LTK: variants seen among roughly 807,000 people sequenced by gnomAD.
LTK encodes the protein leukocyte tyrosine kinase receptor.
In LTK, 117 loss-of-function variants were observed where a neutral mutation model predicts 101.5. The ratio of observed to expected loss-of-function variants is 1.15; its 90% confidence interval spans 0.99 to 1.34. The LOEUF (loss-of-function observed/expected upper bound fraction) is 1.34, where lower values mean the gene tolerates loss of function less well. Among genes scored for constraint, LTK ranks in the 40% most tolerant of loss-of-function variants. The pLI is 0.00. For missense variants in LTK, 1,252 were observed against 1,164.7 expected (o/e 1.07, Z -1.09); for synonymous variants, 563 against 494.2 (o/e 1.14, Z -1.85).
In LTK at chr15:41,511,229, G is replaced by A; in HGVS notation, c.932C>T (p.Ala311Val). The A allele has an allele frequency of 1.4e-6, 2 of 1,402,988 alleles. No homozygotes were observed. The highest frequency in any genetic ancestry group is 1.8e-6 in the Non-Finnish European group (2 of 1,082,572). The allele number at this position is 1,402,988 out of a possible 1,614,324, so 86.9% of individuals were successfully genotyped here. ...SEAWATLGWA[A>V]AGGFGGGGGA... ...GCCGCCGCCCCCGAAGCCGCCGGCC[G>A]CGGCCCAGCCAAGGGTCGCCCAAGC... The change falls in exon 7 of 20, where the codon GCG (alanine) becomes GTG (valine). Residue 311 changes from alanine to valine, a missense_variant. Coordinates refer to ENST00000263800, the MANE Select transcript of LTK (RefSeq NM_002344.6). The surrounding 1 kb of genome is among the most constrained non-coding windows in gnomAD (Gnocchi z 5.9).
rs1311424858 is a variant in LTK at position 41,504,960 on chromosome 15, C to G, written c.2018+12G>C. ...TTGGAGCAAGAGCCTTCCCACCTCC[C>G]AAGTCCCGCACCGGTAGATATCTCG... On this transcript the variant is annotated intron_variant, in intron 16 of 19. Coordinates refer to ENST00000263800, the MANE Select transcript of LTK (RefSeq NM_002344.6). 1.2e-6 allele frequency: 2 copies of G among 1,604,054 alleles called. No individual in the cohort carries two copies. Among genetic ancestry groups the G allele is most frequent in the East Asian group, 2.2e-5 (1 of 44,750 alleles).
chr15:41,511,339 C>T lies in LTK; in HGVS notation c.822G>A (p.Gly274=). 1.5e-6 allele frequency: 2 copies of T among 1,359,898 alleles called. No homozygotes were observed. The highest frequency in any genetic ancestry group is 1.9e-6 in the Non-Finnish European group (2 of 1,064,032). The allele number at this position is 1,359,898 out of a possible 1,614,324, so 84.2% of individuals were successfully genotyped here. A position where few individuals can be genotyped will look rare whatever the true frequency, so the allele number is the denominator to read the frequency against. The change falls in exon 7 of 20, where the codon GGG becomes GGA. Residue 274 remains glycine, a synonymous_variant. Transcript: ENST00000263800. This position sits in a 1 kb window ranked among gnomAD's most constrained non-coding sequence, Gnocchi z 5.9. The part of the protein sequence containing the change: ...SGGRGGAAGG[G]GGWTSRAPSP... ...AGGGAGCCCGCGACGTCCAGCCGCC[C>T]CCACCACCTGCAGAGCGACAGCAGG...
rs754494761 is a variant in LTK at position 41,506,008 on chromosome 15, G to A, written c.1542-3C>T. On this transcript the variant is annotated splice_region_variant and splice_polypyrimidine_tract_variant and intron_variant, in intron 11 of 19. Transcript: ENST00000263800. ...CAAAGGCACCATGGCCCAGGGCTCTGCAGGAAGACACGTTGGAAGGGAGTG... is the reference window on the plus strand; with the variant it reads ...CAAAGGCACCATGGCCCAGGGCTCTACAGGAAGACACGTTGGAAGGGAGTG... The A allele has an allele frequency of 5.0e-6, 8 of 1,610,396 alleles. No homozygotes were observed. Among genetic ancestry groups the A allele is most frequent in the Non-Finnish European group, 6.8e-6 (8 of 1,176,886 alleles).
At position 41,505,192 on chromosome 15, in the gene LTK, C is replaced by T; in HGVS notation, c.1925+16G>A. ...GAGTTGGGATGGGGGTCCCCTGAGCCAGGACTGCTCCTAACCTGTGGATGA... is the reference window on the plus strand; with the variant it reads ...GAGTTGGGATGGGGGTCCCCTGAGCTAGGACTGCTCCTAACCTGTGGATGA... On this transcript the variant is annotated intron_variant, in intron 15 of 19. Transcript: ENST00000263800. 1 of 1,612,114 alleles carries T rather than the reference C, an allele frequency of 6.2e-7. No homozygotes were observed. Among genetic ancestry groups the T allele is most frequent in the Non-Finnish European group, 8.5e-7 (1 of 1,178,724 alleles).
At chr15:41,510,241 C>T (rs2051409936) in intron 7 of LTK, among the ~76,000 whole-genome samples, 1 of 151,808 alleles carries the variant, frequency 6.6e-6, no homozygotes, top group Non-Finnish European at 1.5e-5. Flanking sequence ...CTCCTGACCT[C>T]AAGATCCACC....
intron 9 of LTK, 28 bp downstream of exon 9, chr15:41,508,041 C>T (rs927439963): frequency 6.4e-7 from 1 of 1,565,952 alleles, no homozygotes; most frequent in Non-Finnish European, 8.6e-7. Context: ...CCCCAGGAGT[C>T]CAGACCTTGG....
At position 41,504,848 on chromosome 15, in the gene LTK, C is replaced by G. The variant is rs141045322; in HGVS notation, c.2045G>C (p.Arg682Pro). The G allele has an allele frequency of 6.2e-7, 1 of 1,613,240 alleles. No homozygotes were observed. The highest frequency in any genetic ancestry group is 8.5e-7 in the Non-Finnish European group (1 of 1,179,838). The change falls in exon 17 of 20, where the codon CGG becomes CCG. Residue 682 changes from arginine (R) to proline (P), a missense_variant. Transcript: ENST00000263800. ...YRASYYRRGD[R>P]ALLPVKWMPP... ...CATCCACTTGACTGGGAGCAAGGCCCGGTCCCCCCTGCGGTAATAACTGGC... is the reference window on the plus strand; with the variant it reads ...CATCCACTTGACTGGGAGCAAGGCCGGGTCCCCCCTGCGGTAATAACTGGC...
At chr15:41,505,633 C>A in intron 13 of LTK, 80 bp downstream of exon 13, 1 of 1,603,884 alleles carries the variant, frequency 6.2e-7, no homozygotes, top group Non-Finnish European at 8.5e-7. Context: ...TGACTTGCTA[C>A]CTCAGCCTCA....
intron 7 of LTK, 83 bp from the exon 8 acceptor site, chr15:41,509,212 T>C (rs912471650): frequency 1.2e-6 from 1 of 831,312 alleles, no homozygotes; most frequent in Non-Finnish European, 2.1e-6. Flanking sequence ...GAAATCCCAG[T>C]GTGGCCCTCT....
chr15:41,512,533 T>G (rs551359463), intron 3 of LTK, among the ~76,000 whole-genome samples, 174 bp downstream of exon 3: 1 of 152,210 alleles, frequency 6.6e-6, no homozygotes, highest in East Asian at 1.9e-4. Flanking sequence ...TGTAAGAGGT[T>G]CCGGGTAAGG....
chr15:41,511,195 G>A lies in LTK; in HGVS notation c.966C>T (p.Cys322=). 2 of 1,401,502 alleles carry A rather than the reference G, an allele frequency of 1.4e-6. No individual in the cohort carries two copies. The highest frequency in any genetic ancestry group is 1.5e-5 in the African/African-American group (1 of 65,812). 86.8% of individuals were successfully genotyped at this position (1,401,502 alleles called of 1,614,324 possible). A position where few individuals can be genotyped will look rare whatever the true frequency, so the allele number is the denominator to read the frequency against. The change falls in exon 7 of 20, where the codon TGC becomes TGT. Residue 322 remains cysteine (C), a synonymous_variant. Transcript: ENST00000263800. This position sits in a 1 kb window ranked among gnomAD's most constrained non-coding sequence, Gnocchi z 5.9. ...AGCCGCCGCCGCCTCCGCCCGCAGTGCAGGCCCCGCCGCCGCCCCCGAAGC... is the reference window on the plus strand; with the variant it reads ...AGCCGCCGCCGCCTCCGCCCGCAGTACAGGCCCCGCCGCCGCCCCCGAAGC... ...AGGFGGGGGA[C]TAGGGGGGYR...
In LTK at chr15:41,505,249, G is replaced by C. The variant is rs779408450; in HGVS notation, c.1884C>G (p.Ala628=). The C allele has an allele frequency of 6.2e-7, 1 of 1,614,062 alleles. No individual in the cohort carries two copies. The highest frequency in any genetic ancestry group is 1.3e-5 in the African/African-American group (1 of 74,990). Residue 628 remains alanine, a synonymous_variant, in exon 15 of 20, where the codon GCC becomes GCG. Transcript: ENST00000263800. ...RDLLQLAQDI[A]QGCHYLEENH... ...TTTCCTCCAGGTAGTGGCAGCCCTG[G>C]GCTATGTCCTGGGCCAGTTGCAGCA...
At position 41,508,208 on chromosome 15, in the gene LTK, G is replaced by A. The variant is rs771221869; in HGVS notation, c.1110C>T (p.His370=). Residue 370 remains histidine, a synonymous_variant, in exon 9 of 20, where the codon CAC becomes CAT. Coordinates refer to ENST00000263800, the MANE Select transcript of LTK (RefSeq NM_002344.6). ...GGTGCCTTCGGATCTCTACCTCTCC[G>A]TGGTTCTCGGTGACTGTGAGTAAAA... ...FLQPLAVTEN[H]GEVEIRRHLN... 1.1e-5 allele frequency: 18 copies of A among 1,611,016 alleles called. No homozygotes were observed. Among genetic ancestry groups the A allele is most frequent in the African/African-American group, 4.0e-5 (3 of 74,890 alleles).
At position 41,513,647 on chromosome 15, in the gene LTK, G is replaced by A. The variant is rs2051568304; in HGVS notation, c.43+20C>T. On this transcript the variant is annotated intron_variant, in intron 1 of 19. Coordinates refer to ENST00000263800, the MANE Select transcript of LTK (RefSeq NM_002344.6). ...AGTGCCTCAGGCTGGACGGTCCCCT[G>A]ACCGCCAGATAGCACTTACCCGCGG... 6.2e-7 allele frequency: 1 copy of A among 1,612,664 alleles called. No individual in the cohort carries two copies. Among genetic ancestry groups the A allele is most frequent in the Admixed American group, 1.7e-5 (1 of 60,012 alleles).
intron 1 of LTK, among the ~76,000 whole-genome samples, chr15:41,513,409 T>C (rs1324547198): frequency 6.6e-6 from 1 of 152,208 alleles, no homozygotes; most frequent in East Asian, 1.9e-4. Flanking sequence ...TCAACTTAGA[T>C]TGGTGGCCCC....
chr15:41,507,338 C>A (rs2051321560), intron 10 of LTK, 48 bp from the exon 11 acceptor site: 1 of 1,529,122 alleles, frequency 6.5e-7, no homozygotes, highest in East Asian at 2.3e-5. Flanking sequence ...CCCATCAACT[C>A]TCCCTCCCCC....
Position 41,512,810 on chromosome 15 carries a change from A to C in LTK, c.256T>G (p.Cys86Gly). ...CTGGTCCCCGCGTACGCCCCGTCAC[A>C]TTGTGTCTGTGTGGGCCCATGCCGG... is the stretch of plus-strand genomic sequence containing the variant. ...SGRHGPTQTQ[C>G]DGAYAGTSVV... is the part of the protein sequence containing the mutation. The change falls in exon 3 of 20, where the codon TGT becomes GGT. Residue 86 changes from cysteine to glycine, a missense_variant. Cys to Gly is a radical substitution (Grantham distance 159). Transcript: ENST00000263800. 1 of 1,612,594 alleles carries C rather than the reference A, an allele frequency of 6.2e-7. No individual in the cohort carries two copies. The highest frequency in any genetic ancestry group is 8.5e-7 in the Non-Finnish European group (1 of 1,179,842).
chr15:41,506,025 A>G lies in LTK; in HGVS notation c.1542-20T>C, dbSNP rs2140701291. The G allele has an allele frequency of 1.3e-6, 2 of 1,575,818 alleles. No individual in the cohort carries two copies. Among genetic ancestry groups the G allele is most frequent in the East Asian group, 4.5e-5 (2 of 44,700 alleles). Reference sequence around the variant, plus strand: ...AGGGCTCTGCAGGAAGACACGTTGGAAGGGAGTGGGCAGGCGGCCTGGAGA... The same window carrying G: ...AGGGCTCTGCAGGAAGACACGTTGGGAGGGAGTGGGCAGGCGGCCTGGAGA... On this transcript the variant is annotated intron_variant, in intron 11 of 19. Coordinates refer to ENST00000263800, the MANE Select transcript of LTK (RefSeq NM_002344.6).
intron 7 of LTK, among the ~76,000 whole-genome samples, chr15:41,509,749 C>T (rs558414834): frequency 2.0e-5 from 3 of 151,928 alleles, no homozygotes; most frequent in African/African-American, 7.2e-5. Context: ...ATCCCAGCTA[C>T]TCAGGAGGCT....
Sources: gnomAD v4.1 joint callset for allele counts (sites outside exome capture counted in the v4.1 genomes callset) on GRCh38, gnomAD v4.1.1 for gene constraint, Gnocchi (gnomAD v3.1) non-coding constraint, MANE v1.5 for transcripts, NCBI Gene and HGNC (gene_info 2026-07-23, HGNC 2026-07-21) for gene names.